The following ARMH3 variants were observed in gnomAD, a reference collection of about 807,000 sequenced individuals.
ARMH3 encodes the protein armadillo like helical domain containing 3.
A neutral mutation model predicts 99.1 loss-of-function variants in ARMH3; 60 were observed. The ratio of observed to expected loss-of-function variants is 0.61; its 90% CI spans 0.49 to 0.75. The LOEUF is 0.75. Ranked by LOEUF, ARMH3 falls within the 30% of genes least tolerant of loss-of-function variation. The pLI, the probability that ARMH3 is intolerant of heterozygous loss-of-function variation, is 0.00. For missense variants in ARMH3, 679 were observed against 843.1 expected (o/e 0.81, Z 2.41); for synonymous variants, 285 against 292.8 (o/e 0.97, Z 0.27).
intron 23 of ARMH3, among the ~76,000 whole-genome samples, chr10:101,935,947 C>G (rs567439666): frequency 1.1e-4 from 17 of 152,162 alleles, no homozygotes; most frequent in Non-Finnish European, 2.2e-4. Flanking sequence ...GTTTTCTAAA[C>G]CACAGAAAGT....
At chr10:101,852,151 T>C (rs896601291) in intron 24 of ARMH3, among the ~76,000 whole-genome samples, 1 of 152,216 alleles carries the variant, frequency 6.6e-6, no homozygotes, top group Non-Finnish European at 1.5e-5. Flanking sequence ...GGCTCAGCCT[T>C]TCCTGAGCGG....
intron 23 of ARMH3, among the ~76,000 whole-genome samples, chr10:101,904,778 C>A (rs2068063680): frequency 1.3e-5 from 2 of 151,764 alleles, no homozygotes; most frequent in South Asian, 4.1e-4. Context: ...ATGGTAAAAC[C>A]CTGTCTCTAC....
chr10:102,024,411 T>G (rs2066954473), intron 6 of ARMH3, among the ~76,000 whole-genome samples: 1 of 151,534 alleles, frequency 6.6e-6, no homozygotes, highest in Non-Finnish European at 1.5e-5. Context: ...ATCATGCCAT[T>G]GCACTCTCCA....
At chr10:102,002,946 G>A (rs938013129) in intron 14 of ARMH3, among the ~76,000 whole-genome samples, 3 of 147,398 alleles carry the variant, frequency 2.0e-5, no homozygotes, top group African/African-American at 7.5e-5. Flanking sequence ...GGGTGACACA[G>A]CGAGACTCTG....
intron 20 of ARMH3, among the ~76,000 whole-genome samples, chr10:101,959,270 A>G (rs1052726733): frequency 2.6e-5 from 4 of 152,204 alleles, no homozygotes; most frequent in Admixed American, 2.0e-4. Context: ...TGACTAACCC[A>G]AACTTCCCTC....
chr10:102,055,110 T>C (rs1248331489), intron 1 of ARMH3, among the ~76,000 whole-genome samples: 2 of 150,478 alleles, frequency 1.3e-5, no homozygotes, highest in African/African-American at 2.4e-5. Context: ...TCACCTGAGG[T>C]TGGGAGTTCG....
chr10:101,877,653 C>CA (rs1419953034), intron 24 of ARMH3, among the ~76,000 whole-genome samples: 3 of 139,870 alleles, frequency 2.1e-5, no homozygotes, highest in African/African-American at 7.9e-5. Flanking sequence ...GAGACTTTGT[C>CA]TTTAAAAAAA....
chr10:102,040,974 A>T (rs1044752266), intron 1 of ARMH3, among the ~76,000 whole-genome samples: 1 of 151,686 alleles, frequency 6.6e-6, no homozygotes, highest in Non-Finnish European at 1.5e-5. Context: ...ATTCCTCTGG[A>T]AAGAGACCCA....
chr10:102,019,086 T>C (rs1270428319), intron 8 of ARMH3, among the ~76,000 whole-genome samples: 1 of 152,186 alleles, frequency 6.6e-6, no homozygotes, highest in African/African-American at 2.4e-5. Context: ...TTTTGCTCTT[T>C]CACTCAGGCT....
intron 19 of ARMH3, among the ~76,000 whole-genome samples, chr10:101,983,931 C>CCTTGGG (rs1303909141): frequency 7.2e-5 from 11 of 152,160 alleles, no homozygotes; most frequent in Admixed American, 7.2e-4. Context: ...GGCAAAATAA[C>CCTTGGG]CTTGGGCTTC....
At position 102,023,576 on chromosome 10, in the gene ARMH3, C is replaced by T. The variant is rs766548906; in HGVS notation, c.583-13G>A. 5 of 1,612,850 alleles carry T rather than the reference C, an allele frequency of 3.1e-6. No individual in the cohort carries two copies. Among genetic ancestry groups the T allele is most frequent in the South Asian group, 1.1e-5 (1 of 91,008 alleles). On this transcript the variant is annotated splice_polypyrimidine_tract_variant and intron_variant, in intron 7 of 25. Transcript: ENST00000370033. The stretch of plus-strand genomic sequence containing the variant: ...GATGGGAAAGTATCTGTAACAAGAA[C>T]CAAAAATGCATGAGACTGCTAACTC...
chr10:102,000,072 T>C (rs61873629), intron 15 of ARMH3, among the ~76,000 whole-genome samples: 8,882 of 151,992 alleles, frequency 0.058, 266 homozygotes, highest in Middle Eastern at 0.099. Flanking sequence ...CAGAGCAAGA[T>C]TCTGTCTCAA....
chr10:102,024,675 T>C (rs952467149), intron 6 of ARMH3, among the ~76,000 whole-genome samples: 4 of 148,856 alleles, frequency 2.7e-5, no homozygotes, highest in Non-Finnish European at 6.0e-5. Flanking sequence ...AAAAATTATC[T>C]GGGCATGGTG....
chr10:102,040,502 G>A (rs913579442), intron 1 of ARMH3, among the ~76,000 whole-genome samples: 1 of 152,296 alleles, frequency 6.6e-6, no homozygotes, highest in African/African-American at 2.4e-5. Context: ...AGTCACTGAC[G>A]TACCACTTAA....
intron 8 of ARMH3, among the ~76,000 whole-genome samples, chr10:102,020,814 C>G (rs1387396413): frequency 2.0e-5 from 3 of 148,220 alleles, no homozygotes; most frequent in African/African-American, 7.5e-5. Flanking sequence ...CACCACTGCA[C>G]TACAGCCTGG....
chr10:102,020,888 T>C (rs1238378739), intron 8 of ARMH3, among the ~76,000 whole-genome samples: 1 of 149,856 alleles, frequency 6.7e-6, no homozygotes, highest in Non-Finnish European at 1.5e-5. Context: ...TATACAGTAA[T>C]GTCCTAGGCC....
chr10:101,944,265 TATATATATAGAGAGAGAGAGAGAG>T (rs1403541160), intron 22 of ARMH3, among the ~76,000 whole-genome samples: 134 of 56,402 alleles, frequency 2.4e-3, no homozygotes, highest in East Asian at 0.012. Context: ...TATATATATA[TATATATATAGAGAGAGAGAGAGAG>T]AGAGAGAGAG....
rs181077584 is a variant in ARMH3, at chr10:101,930,300, A to T, written c.1781+9563T>A. Among the ~76,000 whole-genome samples the T allele has an allele frequency of 3.3e-5, 5 of 152,300 alleles. No individual in the cohort carries two copies. In the East Asian group the frequency reaches 5.8e-4, roughly 18 times the overall value. On this transcript the variant is annotated intron_variant, in intron 23 of 25. Coordinates refer to ENST00000370033, the MANE Select transcript of ARMH3 (RefSeq NM_024541.3). ...TAAAAACAGCCAACAAACTAAGAAC[A>T]GAAAGGACTTTCTTCAACCTGATAA...
chr10:102,045,919 AC>A (rs2067539213), intron 1 of ARMH3, among the ~76,000 whole-genome samples: 2 of 151,898 alleles, frequency 1.3e-5, no homozygotes, highest in Admixed American at 1.3e-4. Flanking sequence ...ACATGGAGAA[AC>A]CCCATCTCTA....
Sources: allele counts gnomAD v4.1 joint callset (sites outside exome capture counted in the v4.1 genomes callset), GRCh38; gene constraint gnomAD v4.1.1; transcripts MANE v1.5; gene names NCBI Gene and HGNC (gene_info 2026-07-23, HGNC 2026-07-21).